Variants in MASP2 observed in about 807,000 individuals in gnomAD.
MASP2 encodes mannan-binding lectin serine protease 2.
A neutral mutation model predicts 57.1 loss-of-function variants in MASP2; 49 were observed. The observed-to-expected ratio is 0.86, with a 90% CI of 0.68 to 1.09. MASP2 has a LOEUF of 1.09. MASP2 is among the 50% of genes least tolerant of loss of function. MASP2 has a pLI of 0.00. For missense variants in MASP2, 900 were observed against 874.8 expected (o/e 1.03, Z -0.36); for synonymous variants, 379 against 340.8 (o/e 1.11, Z -1.24).
At chr1:11,034,798 A>C (rs2100883785) in intron 8 of MASP2, 30 bp downstream of exon 8, 1 of 1,524,426 alleles carries the variant, frequency 6.6e-7, no homozygotes, top group South Asian at 1.2e-5. Flanking sequence ...CCGGGCGGTT[A>C]TGGGGCCTGT....
chr1:11,039,917 T>C (rs1328712495), intron 6 of MASP2, among the ~76,000 whole-genome samples: 2 of 144,338 alleles, frequency 1.4e-5, no homozygotes, highest in African/African-American at 5.2e-5. Context: ...GATGGATAGA[T>C]GGATAGGATG....
chr1:11,044,144 C>T lies in MASP2; in HGVS notation c.545-609G>A, dbSNP rs543127820. ...CCCCTGGGTTCCTGGAGGAACCATC[C>T]GGAAGAAGGGTCTCTCATCACCCCC... On this transcript the variant is annotated intron_variant, in intron 4 of 10. Coordinates refer to ENST00000400897, the MANE Select transcript of MASP2 (RefSeq NM_006610.4). Among the ~76,000 whole-genome samples the T allele has an allele frequency of 2.6e-5, 4 of 152,308 alleles. 1 individual carries two copies. In the South Asian group the frequency reaches 6.2e-4, roughly 24 times the overall value.
chr1:11,046,229 C>A, intron 3 of MASP2: 1 of 405,024 alleles, frequency 2.5e-6, no homozygotes, highest in Non-Finnish European at 4.7e-6. Flanking sequence ...CCCTGGCTGG[C>A]CTTGAACTCC....
chr1:11,029,166 G>A (rs1404008101), intron 10 of MASP2, among the ~76,000 whole-genome samples: 1 of 71,976 alleles, frequency 1.4e-5, no homozygotes, highest in Non-Finnish European at 4.1e-5. Context: ...CTAATTTTTT[G>A]TATTTTTTTT....
chr1:11,028,697 G>GTTTTTTTTTTTTTTTT (rs1208974169), intron 10 of MASP2, among the ~76,000 whole-genome samples: 1 of 36,178 alleles, frequency 2.8e-5, no homozygotes, highest in East Asian at 9.7e-4. Flanking sequence ...ATCTTTCTGG[G>GTTTTTTTTTTTTTTTT]TTTTTTTTCT....
intron 8 of MASP2, among the ~76,000 whole-genome samples, chr1:11,032,708 A>C (rs1643863550): frequency 6.6e-6 from 1 of 152,100 alleles, no homozygotes; most frequent in Non-Finnish European, 1.5e-5. Flanking sequence ...CAGGAGTTCA[A>C]GACCAGCCTG....
In MASP2 at chr1:11,042,952, C is replaced by T. The variant is rs1182505163; in HGVS notation, c.812G>A (p.Ser271Asn). The change falls in exon 6 of 11, where the codon AGC becomes AAC. Residue 271 changes from serine (S) to asparagine (N), a missense_variant. Transcript: ENST00000400897. Reference protein sequence around the residue: ...KTLPHRIETKSNTVTITFVTD... With the variant: ...KTLPHRIETKNNTVTITFVTD... ...GACAAAGGTGATGGTCACCGTGTTG[C>T]TTTTTGTTTCAATCCTGTGGGGCAA... is the stretch of plus-strand genomic sequence containing the variant. The T allele has an allele frequency of 6.8e-6, 11 of 1,613,900 alleles. No homozygotes were observed. Among genetic ancestry groups the T allele is most frequent in the Non-Finnish European group, 9.3e-6 (11 of 1,179,924 alleles).
At position 11,046,741 on chromosome 1, in the gene MASP2, G is replaced by T; in HGVS notation, c.235-8C>A. ...CTTGGCCCCCGAGCTCAGCTGTGGG[G>T]TCAGGTGTCACAGGGAGTGAAGGCA... is the stretch of plus-strand genomic sequence containing the variant. On this transcript the variant is annotated splice_polypyrimidine_tract_variant and splice_region_variant and intron_variant, in intron 2 of 10. Transcript: ENST00000400897. The T allele has an allele frequency of 6.2e-7, 1 of 1,610,112 alleles. No individual in the cohort carries two copies. The highest frequency in any genetic ancestry group is 1.1e-5 in the South Asian group (1 of 90,728).
rs144136642 is a variant in MASP2 at position 11,030,186 on chromosome 1, G to C, written c.1287C>G (p.Val429=). The C allele has an allele frequency of 1.8e-4, 291 of 1,612,024 alleles. No homozygotes were observed. Among genetic ancestry groups the C allele is most frequent in the Non-Finnish European group, 2.4e-4 (280 of 1,178,600 alleles). ...TSSKGEKSLP[V]CEPVCGLSAR... ...AAATGTATCCATTACCAGGCTCACA[G>C]ACTGGGAGTGATTTTTCTCCTTTGG... Residue 429 remains valine, a synonymous_variant, in exon 10 of 11, where the codon GTC becomes GTG. Transcript: ENST00000400897.
chr1:11,027,046 C>A lies in MASP2; in HGVS notation c.1900G>T (p.Gly634Ter). The stretch of plus-strand genomic sequence containing the variant: ...CTATCTAGAAACACCAGTGCCCCTC[C>A]GCTGTCACCTCTGCAGCTGTCCTTG... ...GGKDSCRGDS[G>*]GALVFLDSET... Residue 634 changes from glycine (G) to a stop codon, truncating the protein, a stop_gained, in exon 11 of 11, where the codon GGA becomes TGA. Transcript: ENST00000400897. LOFTEE classifies it high-confidence loss of function. The A allele has an allele frequency of 6.3e-7, 1 of 1,593,028 alleles. No individual in the cohort carries two copies. Among genetic ancestry groups the A allele is most frequent in the Non-Finnish European group, 8.5e-7 (1 of 1,169,992 alleles).
At chr1:11,042,133 T>C (rs1638474033) in intron 6 of MASP2, among the ~76,000 whole-genome samples, 1 of 147,794 alleles carries the variant, frequency 6.8e-6, no homozygotes, top group Non-Finnish European at 1.5e-5. Context: ...AAGGAATGGA[T>C]GGATGCATGG....
At chr1:11,029,786 G>A (rs1176014371) in intron 10 of MASP2, 2 of 161,434 alleles carry the variant, frequency 1.2e-5, no homozygotes, top group Non-Finnish European at 2.7e-5. Context: ...TTACAGGCAT[G>A]TACCACCACA....
chr1:11,035,999 C>T (rs926181769), intron 7 of MASP2, among the ~76,000 whole-genome samples: 1 of 151,664 alleles, frequency 6.6e-6, no homozygotes, highest in African/African-American at 2.4e-5. Context: ...TAGCTGGTGG[C>T]CATTAGCTGG....
At chr1:11,028,092 G>A (rs1317231504) in intron 10 of MASP2, among the ~76,000 whole-genome samples, 1 of 151,886 alleles carries the variant, frequency 6.6e-6, no homozygotes, top group Non-Finnish European at 1.5e-5. Context: ...CGTGGTGATG[G>A]GCACCTGTAA....
At chr1:11,034,933 T>G in intron 7 of MASP2, 27 bp from the exon 8 acceptor site, 2 of 1,499,480 alleles carry the variant, frequency 1.3e-6, no homozygotes, top group Non-Finnish European at 1.8e-6. Flanking sequence ...AATATATTAA[T>G]TTCCTTGTTT....
chr1:11,028,697 G>GTTTTTTTTTTTTTTTTTTTTT (rs1208974169), intron 10 of MASP2, among the ~76,000 whole-genome samples: 1 of 36,178 alleles, frequency 2.8e-5, no homozygotes, highest in Non-Finnish European at 5.3e-5. Context: ...ATCTTTCTGG[G>GTTTTTTTTTTTTTTTTTTTTT]TTTTTTTTCT....
In MASP2 at chr1:11,030,197, A is replaced by C; in HGVS notation, c.1276T>G (p.Ser426Ala). 6.2e-7 allele frequency: 1 copy of C among 1,613,300 alleles called. No homozygotes were observed. The highest frequency in any genetic ancestry group is 8.5e-7 in the Non-Finnish European group (1 of 1,179,724). ...GFWTSSKGEKSLPVCEPVCGL... is the reference protein window; with the variant it reads ...GFWTSSKGEKALPVCEPVCGL... Reference sequence around the variant, plus strand: ...TTACCAGGCTCACAGACTGGGAGTGATTTTTCTCCTTTGGAGCTCGTCCAG... The same window carrying C: ...TTACCAGGCTCACAGACTGGGAGTGCTTTTTCTCCTTTGGAGCTCGTCCAG... The change falls in exon 10 of 11, where the codon TCA becomes GCA. Residue 426 changes from serine (S) to alanine (A), a missense_variant. Physicochemically the swap from Ser to Ala is moderately conservative, Grantham distance 99. Transcript: ENST00000400897.
In MASP2 at chr1:11,027,385, C is replaced by T. The variant is rs779641842; in HGVS notation, c.1561G>A (p.Glu521Lys). 1 of 1,614,196 alleles carries T rather than the reference C, an allele frequency of 6.2e-7. No homozygotes were observed. Among genetic ancestry groups the T allele is most frequent in the Non-Finnish European group, 8.5e-7 (1 of 1,180,048 alleles). The change falls in exon 11 of 11, where the codon GAA becomes AAA. Residue 521 changes from glutamate (E) to lysine (K), a missense_variant. Transcript: ENST00000400897. Reference sequence around the variant, plus strand: ...AAGCCAGCATCATGAGTATAACCTTCATGTATAAAAACAGCTTCAGACCAG... The same window carrying T: ...AAGCCAGCATCATGAGTATAACCTTTATGTATAAAAACAGCTTCAGACCAG... ...QAWSEAVFIHEGYTHDAGFDN... is the reference protein window; with the variant it reads ...QAWSEAVFIHKGYTHDAGFDN...
Position 11,042,944 on chromosome 1 carries a change from C to A in MASP2, c.820G>T (p.Val274Leu), listed in dbSNP as rs752417172. ...PHRIETKSNT[V>L]TITFVTDESG... ...TCATCTGTGACAAAGGTGATGGTCA[C>A]CGTGTTGCTTTTTGTTTCAATCCTG... is the stretch of plus-strand genomic sequence containing the variant. The change falls in exon 6 of 11, where the codon GTG becomes TTG. Residue 274 changes from valine to leucine, a missense_variant. Val to Leu is a conservative substitution (Grantham distance 32). Transcript: ENST00000400897. The A allele has an allele frequency of 6.2e-7, 1 of 1,614,066 alleles. No homozygotes were observed. Among genetic ancestry groups the A allele is most frequent in the South Asian group, 1.1e-5 (1 of 91,088 alleles).
Sources: allele counts gnomAD v4.1 joint callset (sites outside exome capture counted in the v4.1 genomes callset), GRCh38; gene constraint gnomAD v4.1.1; transcripts MANE v1.5; gene names NCBI Gene and HGNC (gene_info 2026-07-23, HGNC 2026-07-21).